NPAS3: variants seen among roughly 807,000 people sequenced by gnomAD.
NPAS3 encodes neuronal PAS domain protein 3.
Under a neutral mutation model 73.1 loss-of-function variants are expected in NPAS3, and 14 were observed. That is an observed-to-expected ratio of 0.19 (90% CI 0.13 to 0.30). The LOEUF is 0.30. Ranked by LOEUF, NPAS3 falls within the 10% of genes least tolerant of loss-of-function variation. NPAS3 has a pLI of 1.00. For synonymous variants in NPAS3, 620 were observed against 541.5 expected (o/e 1.14, Z -2.01); for missense variants, 1,096 against 1,250.0 (o/e 0.88, Z 1.86).
chr14:32,997,418 G>A (rs2038624299), intron 1 of NPAS3, among the ~76,000 whole-genome samples: 1 of 152,110 alleles, frequency 6.6e-6, no homozygotes, highest in Non-Finnish European at 1.5e-5. Context: ...AGGGACCGGG[G>A]TGAAATGATA....
chr14:33,369,536 G>A lies in NPAS3; in HGVS notation c.468+2268G>A, dbSNP rs1378202952. On this transcript the variant is annotated intron_variant, in intron 4 of 11. Coordinates refer to ENST00000356141, the Ensembl canonical transcript of NPAS3. ...ACAAGAAAACTCCTAAATAGGGCTG[G>A]TCACACTTGGAATAAGTTTGAAGCT... Among the ~76,000 whole-genome samples the A allele has an allele frequency of 4.6e-5, 7 of 152,088 alleles. No individual in the cohort carries two copies. The East Asian group carries it at 1.4e-3, about 29-fold the overall frequency.
At chr14:33,491,515 T>C (rs1566946921) in intron 4 of NPAS3, among the ~76,000 whole-genome samples, 1 of 152,154 alleles carries the variant, frequency 6.6e-6, no homozygotes, top group Non-Finnish European at 1.5e-5. Context: ...TTGTGGCTCA[T>C]GCAACTGAGG....
At chr14:33,150,028 C>T (rs1407417697) in intron 2 of NPAS3, among the ~76,000 whole-genome samples, 3 of 152,096 alleles carry the variant, frequency 2.0e-5, no homozygotes, top group Non-Finnish European at 2.9e-5. Flanking sequence ...TGAGTGAGAA[C>T]ATGCAGTGTT....
At chr14:33,575,722 GT>G (rs2056407079) in intron 5 of NPAS3, among the ~76,000 whole-genome samples, 1 of 152,060 alleles carries the variant, frequency 6.6e-6, no homozygotes. Context: ...ATTTCTAATT[GT>G]TCTTTTTAAC....
At chr14:33,760,620 G>C (rs1419527360) in intron 7 of NPAS3, among the ~76,000 whole-genome samples, 1 of 151,914 alleles carries the variant, frequency 6.6e-6, no homozygotes, top group Non-Finnish European at 1.5e-5. Context: ...TTATGGAAAA[G>C]CACATATCGT....
chr14:33,034,772 A>T (rs892806714), intron 1 of NPAS3, among the ~76,000 whole-genome samples: 1 of 152,174 alleles, frequency 6.6e-6, no homozygotes, highest in Non-Finnish European at 1.5e-5. Flanking sequence ...CACCTAACGC[A>T]GTGATCTCAT....
At chr14:33,604,366 A>G (rs2057491521) in intron 5 of NPAS3, among the ~76,000 whole-genome samples, 1 of 152,112 alleles carries the variant, frequency 6.6e-6, no homozygotes, top group African/African-American at 2.4e-5. Context: ...TAGCTATGTT[A>G]ATAGGAAACA....
At chr14:33,440,783 C>T (rs1349488235) in intron 4 of NPAS3, among the ~76,000 whole-genome samples, 3 of 151,926 alleles carry the variant, frequency 2.0e-5, no homozygotes, top group African/African-American at 7.3e-5. Context: ...ATCCCAGCTA[C>T]TCAGGAGGCT....
chr14:33,332,150 T>C (rs1447690413), intron 3 of NPAS3, among the ~76,000 whole-genome samples: 1 of 152,226 alleles, frequency 6.6e-6, no homozygotes, highest in Admixed American at 6.5e-5. Context: ...CTCCAAACTT[T>C]AAATGTAAAC....
intron 3 of NPAS3, among the ~76,000 whole-genome samples, chr14:33,343,325 C>G (rs774012724): frequency 6.6e-6 from 1 of 152,184 alleles, no homozygotes; most frequent in African/African-American, 2.4e-5. Context: ...AACATTACAG[C>G]ATAACTGTTT....
At chr14:33,782,095 T>C (rs374143643) in intron 9 of NPAS3, among the ~76,000 whole-genome samples, 16 of 152,332 alleles carry the variant, frequency 1.1e-4, no homozygotes, top group African/African-American at 3.6e-4. Flanking sequence ...TAGGGCCCCT[T>C]CTTTCACACT....
intron 2 of NPAS3, among the ~76,000 whole-genome samples, chr14:33,058,729 A>G (rs377087217): frequency 3.8e-4 from 58 of 152,272 alleles, no homozygotes; most frequent in African/African-American, 1.2e-3. Flanking sequence ...ATATTTGTGT[A>G]TGTGTACATA....
In NPAS3 at chr14:33,685,642, A is replaced by G. The variant is rs1595437750; in HGVS notation, c.733+9257A>G. On this transcript the variant is annotated intron_variant, in intron 6 of 11. Coordinates refer to ENST00000356141, the Ensembl canonical transcript of NPAS3. The stretch of plus-strand genomic sequence containing the variant: ...AGATTTCACTAACTAACTGAAATTC[A>G]GGAAATTCTAACTTTGGAAAATGGT... Among the ~76,000 whole-genome samples the G allele has an allele frequency of 2.6e-5, 4 of 152,366 alleles. 1 individual carries two copies. The highest frequency in any genetic ancestry group is 1.9e-4 in the East Asian group (1 of 5,180).
At chr14:33,135,619 A>C (rs537712565) in intron 2 of NPAS3, among the ~76,000 whole-genome samples, 1 of 152,290 alleles carries the variant, frequency 6.6e-6, no homozygotes, top group Non-Finnish European at 1.5e-5. Flanking sequence ...AATTGTGATT[A>C]TTTTGGATTT....
intron 9 of NPAS3, among the ~76,000 whole-genome samples, chr14:33,788,412 A>C (rs2063245770): frequency 6.6e-6 from 1 of 152,176 alleles, no homozygotes; most frequent in East Asian, 1.9e-4. Flanking sequence ...TATTTATTCT[A>C]TACTTACCTG....
chr14:33,797,634 G>A, intron 11 of NPAS3, 53 bp downstream of exon 11: 1 of 1,588,298 alleles, frequency 6.3e-7, no homozygotes, highest in Admixed American at 1.7e-5. Context: ...ACCACGCGCA[G>A]GGGGTGGGCA....
chr14:33,753,779 C>T (rs35701421), intron 7 of NPAS3, among the ~76,000 whole-genome samples: 6,372 of 152,200 alleles, frequency 0.042, 177 homozygotes, highest in Non-Finnish European at 0.06. Context: ...GCTTTTATTT[C>T]CCAAATTTGT....
intron 1 of NPAS3, among the ~76,000 whole-genome samples, 184 bp downstream of exon 1, chr14:32,939,550 A>G (rs530594439): frequency 7.5e-6 from 1 of 133,326 alleles, no homozygotes; most frequent in African/African-American, 2.8e-5. Flanking sequence ...TGCGGCAGCG[A>G]GAGGCTCTGG....
chr14:33,078,810 T>C (rs1240742248), intron 2 of NPAS3, among the ~76,000 whole-genome samples: 1 of 152,224 alleles, frequency 6.6e-6, no homozygotes, highest in African/African-American at 2.4e-5. Context: ...GAGAGTTTCT[T>C]GCTGACACAG....
Sources: gnomAD v4.1 joint callset for allele counts (sites outside exome capture counted in the v4.1 genomes callset) on GRCh38, gnomAD v4.1.1 for gene constraint, MANE v1.5 for transcripts, NCBI Gene and HGNC (gene_info 2026-07-23, HGNC 2026-07-21) for gene names.